The following WIZ variants were observed in gnomAD, a reference collection of about 807,000 sequenced individuals.
The protein encoded by WIZ is protein Wiz.
A neutral mutation model predicts 140.2 loss-of-function variants in WIZ; 25 were observed. The ratio of observed to expected loss-of-function variants is 0.18; its 90% CI spans 0.13 to 0.25. The LOEUF (loss-of-function observed/expected upper bound fraction) is 0.25. Ranked by LOEUF, WIZ falls within the 10% of genes least tolerant of loss-of-function variation. The pLI, the probability that WIZ is intolerant of heterozygous loss-of-function variation, is 1.00. For missense variants in WIZ, 2,231 were observed against 2,632.6 expected, an observed-to-expected ratio of 0.85 and a Z score of 3.34; for synonymous variants, 1,125 against 1,154.3, an observed-to-expected ratio of 0.97 and a Z score of 0.51.
Position 15,438,591 on chromosome 19 carries a change from C to A in WIZ, c.2403G>T (p.Lys801Asn). Residue 801 changes from lysine (K) to asparagine (N), a missense_variant, in exon 4 of 13, where the codon AAG (lysine) becomes AAT (asparagine). Transcript: ENST00000673675. The part of the protein sequence containing the change: ...KAIERRFSFQ[K>N]KKKKVANFDP... ...AAGCTGCCCTACCTTTTTTCTTCTT[C>A]TTCTGGAAGGAGAACCTGCGCTCAA... is the stretch of plus-strand genomic sequence containing the variant. 2.0e-6 allele frequency: 3 copies of A among 1,501,184 alleles called. No homozygotes were observed. The highest frequency in any genetic ancestry group is 2.7e-6 in the Non-Finnish European group (3 of 1,123,886). The allele number at this position is 1,501,184 out of a possible 1,614,324, so 93.0% of individuals were successfully genotyped here.
At chr19:15,429,533 T>A in intron 7 of WIZ, 53 bp downstream of exon 7, 1 of 1,150,836 alleles carries the variant, frequency 8.7e-7, no homozygotes, top group Admixed American at 4.3e-5. Context: ...CAACCTGAGG[T>A]CCCGACCCTC....
chr19:15,449,086 G>A (rs1261835910), intron 1 of WIZ, among the ~76,000 whole-genome samples: 1 of 152,004 alleles, frequency 6.6e-6, no homozygotes, highest in Non-Finnish European at 1.5e-5. Context: ...TCTAGTCCTC[G>A]GGCGAAAGAA....
intron 1 of WIZ, 32 bp from the exon 2 acceptor site, chr19:15,448,399 A>G: frequency 6.7e-7 from 1 of 1,488,594 alleles, no homozygotes; most frequent in South Asian, 1.2e-5. Context: ...TGCTTAGGGG[A>G]TGGAGGAAAG....
At chr19:15,425,097 T>C in intron 10 of WIZ, 65 bp from the exon 11 acceptor site, 2 of 1,505,928 alleles carry the variant, frequency 1.3e-6, no homozygotes, top group East Asian at 2.4e-5. Flanking sequence ...CAGATGGCCC[T>C]GCCCAGGCCA....
At position 15,421,026 on chromosome 19, in the gene WIZ, G is replaced by C. The variant is rs1469666007; in HGVS notation, c.*2050C>G. ...AGCTACCTGGATGGCTGAGGCAGGA[G>C]AATCACTTGAACCCAGGAGGCAGAG... On this transcript the variant is annotated 3_prime_UTR_variant, in exon 13 of 13. Coordinates refer to ENST00000673675, the MANE Select transcript of WIZ (RefSeq NM_001371589.1). 6.6e-6 allele frequency: 1 copy of C among 151,982 alleles called. No individual in the cohort carries two copies. Among genetic ancestry groups the C allele is most frequent in the East Asian group, 1.9e-4 (1 of 5,176 alleles). The allele number at this position is 151,982 out of a possible 1,614,324, so 9.4% of individuals were successfully genotyped here. A position where few individuals can be genotyped will look rare whatever the true frequency, so the allele number is the denominator to read the frequency against.
At chr19:15,441,676 T>C (rs1969751623) in intron 3 of WIZ, among the ~76,000 whole-genome samples, 1 of 152,164 alleles carries the variant, frequency 6.6e-6, no homozygotes, top group Non-Finnish European at 1.5e-5. Context: ...ATGGAACAGA[T>C]GTGGAAATGT....
In WIZ at chr19:15,427,690, G is replaced by T. The variant is rs1463051667; in HGVS notation, c.3815-157C>A. ...GGTAAGGGAGTGGAGGAGCGGGGCTGGGGGCCAGATACCCGGCAGGAGTGA... is the reference window on the plus strand; with the variant it reads ...GGTAAGGGAGTGGAGGAGCGGGGCTTGGGGCCAGATACCCGGCAGGAGTGA... On this transcript the variant is annotated intron_variant, in intron 8 of 12. Coordinates refer to ENST00000673675, the MANE Select transcript of WIZ (RefSeq NM_001371589.1). The surrounding 1 kb of genome is among the most constrained non-coding windows in gnomAD (Gnocchi z 6.4). Among the ~76,000 whole-genome samples the T allele has an allele frequency of 6.6e-6, 1 of 152,146 alleles. No homozygotes were observed. Among genetic ancestry groups the T allele is most frequent in the Non-Finnish European group, 1.5e-5 (1 of 68,024 alleles).
chr19:15,444,070 C>T (rs1429128017), intron 2 of WIZ, among the ~76,000 whole-genome samples: 1 of 152,228 alleles, frequency 6.6e-6, no homozygotes, highest in Non-Finnish European at 1.5e-5. Context: ...AAGGTTAACA[C>T]ACTGGGGGAA....
intron 2 of WIZ, among the ~76,000 whole-genome samples, chr19:15,446,731 G>A (rs940244907): frequency 1.3e-5 from 2 of 152,186 alleles, no homozygotes; most frequent in African/African-American, 2.4e-5. Context: ...AGCCCCAGCC[G>A]CTGTGTCATA....
Position 15,440,512 on chromosome 19 carries a change from G to C in WIZ, c.482C>G (p.Ser161Cys). 6.5e-7 allele frequency: 1 copy of C among 1,536,062 alleles called. No homozygotes were observed. The highest frequency in any genetic ancestry group is 8.7e-7 in the Non-Finnish European group (1 of 1,146,882). The change falls in exon 4 of 13, where the codon TCT becomes TGT. Residue 161 changes from serine (S) to cysteine (C), a missense_variant. Physicochemically the swap from Ser to Cys is moderately radical, Grantham distance 112. Transcript: ENST00000673675. This position sits in a 1 kb window ranked among gnomAD's most constrained non-coding sequence, Gnocchi z 6.2. ...TMKPHAELEGSRRFLHHRGEP... is the reference protein window; with the variant it reads ...TMKPHAELEGCRRFLHHRGEP... ...CCCCCGGTGGTGTAAGAACCTTCTA[G>C]AGCCCTCTAGCTCAGCGTGGGGTTT...
intron 1 of WIZ, 131 bp downstream of exon 1, chr19:15,449,667 C>A (rs1970051905): frequency 6.8e-6 from 1 of 147,058 alleles, no homozygotes; most frequent in Non-Finnish European, 1.5e-5. Flanking sequence ...CCGGCCAGGC[C>A]CCGCCCCTGA....
At position 15,427,597 on chromosome 19, in the gene WIZ, G is replaced by A; in HGVS notation, c.3815-64C>T. ...ACTGCCAGCATGGTCACCTGCAGGAGTGTCCTGGTCGGCTGGGCGTGGGCG... is the reference window on the plus strand; with the variant it reads ...ACTGCCAGCATGGTCACCTGCAGGAATGTCCTGGTCGGCTGGGCGTGGGCG... On this transcript the variant is annotated intron_variant, in intron 8 of 12. Transcript: ENST00000673675. This position sits in a 1 kb window ranked among gnomAD's most constrained non-coding sequence, Gnocchi z 6.4. 12 of 1,535,020 alleles carry A rather than the reference G, an allele frequency of 7.8e-6. 1 individual carries two copies. In the South Asian group the frequency reaches 1.4e-4, roughly 18 times the overall value.
In WIZ at chr19:15,440,347, C is replaced by T; in HGVS notation, c.647G>A (p.Arg216Lys). 1 of 1,529,074 alleles carries T rather than the reference C, an allele frequency of 6.5e-7. No individual in the cohort carries two copies. The highest frequency in any genetic ancestry group is 1.7e-4 in the Middle Eastern group (1 of 5,960). 94.7% of individuals were successfully genotyped at this position (1,529,074 alleles called of 1,614,324 possible). ...GTCTTCCACTGGCACAAACACCCTC[C>T]TGAAGGGGGCGAGGGGTGGCGGCTG... ...PAQPPPLAPF[R>K]RVFVPVEDTP... Residue 216 changes from arginine to lysine, a missense_variant, in exon 4 of 13, where the codon AGG becomes AAG. Around this residue, in one of 15 missense-constraint regions of WIZ, gnomAD observed 307 missense variants for 294.1 expected, o/e 1.04. Transcript: ENST00000673675. The surrounding 1 kb of genome is among the most constrained non-coding windows in gnomAD (Gnocchi z 6.2).
At chr19:15,429,494 A>AC in intron 7 of WIZ, 92 bp downstream of exon 7, 2 of 411,338 alleles carry the variant, frequency 4.9e-6, no homozygotes, top group African/African-American at 2.2e-5. Context: ...GCCCCCACCC[A>AC]CCCTGGGCCC....
rs115003151 is a variant in WIZ, at chr19:15,441,847, A to G, written c.278+829T>C. Among the ~76,000 whole-genome samples the G allele has an allele frequency of 3.5e-4, 53 of 152,266 alleles. 1 individual carries two copies. The highest frequency in any genetic ancestry group is 1.3e-3 in the African/African-American group (52 of 41,536). On this transcript the variant is annotated intron_variant, in intron 3 of 12. Coordinates refer to ENST00000673675, the MANE Select transcript of WIZ (RefSeq NM_001371589.1). Reference sequence around the variant, plus strand: ...CATAGCAGCTATTATTAATTAATTAATAATATTCTTGCTCATTCTGAGAGC... The same window carrying G: ...CATAGCAGCTATTATTAATTAATTAGTAATATTCTTGCTCATTCTGAGAGC...
rs1481198661 is a variant in WIZ at position 15,420,206 on chromosome 19, T to C, written c.*2870A>G. On this transcript the variant is annotated 3_prime_UTR_variant, in exon 13 of 13. Coordinates refer to ENST00000673675, the MANE Select transcript of WIZ (RefSeq NM_001371589.1). Reference sequence around the variant, plus strand: ...ACAGCTGAAGACATTGGTCATGGGTTGGTGATGGATAGATGAGAGTCCATT... The same window carrying C: ...ACAGCTGAAGACATTGGTCATGGGTCGGTGATGGATAGATGAGAGTCCATT... 2.6e-5 allele frequency: 4 copies of C among 152,196 alleles called. No homozygotes were observed. Among genetic ancestry groups the C allele is most frequent in the Non-Finnish European group, 5.9e-5 (4 of 68,040 alleles). 9.4% of individuals were successfully genotyped at this position (152,196 alleles called of 1,614,324 possible). A position where few individuals can be genotyped will look rare whatever the true frequency, so the allele number is the denominator to read the frequency against.
chr19:15,423,029 A>T lies in WIZ; in HGVS notation c.*47T>A. 1 of 1,593,794 alleles carries T rather than the reference A, an allele frequency of 6.3e-7. No homozygotes were observed. Among genetic ancestry groups the T allele is most frequent in the Non-Finnish European group, 8.5e-7 (1 of 1,169,740 alleles). Reference sequence around the variant, plus strand: ...AGGGACAAGGACACAGAGGAGGAAGAAGAGGAGACAGAGGTGGCACGAGAG... The same window carrying T: ...AGGGACAAGGACACAGAGGAGGAAGTAGAGGAGACAGAGGTGGCACGAGAG... On this transcript the variant is annotated 3_prime_UTR_variant, in exon 13 of 13. Transcript: ENST00000673675.
At chr19:15,425,105 C>T in intron 10 of WIZ, 73 bp from the exon 11 acceptor site, 1 of 1,507,510 alleles carries the variant, frequency 6.6e-7, no homozygotes, top group South Asian at 1.3e-5. Flanking sequence ...CCTGCCCAGG[C>T]CAGGTGCCAA....
rs578176489 is a variant in WIZ at position 15,438,063 on chromosome 19, G to A, written c.2416+515C>T. On this transcript the variant is annotated intron_variant, in intron 4 of 12. Transcript: ENST00000673675. ...ACTGGCACCTCCCCAAGTGGGCTTTGTGTCTGCCAATGTCAGAACCACCCA... is the reference window on the plus strand; with the variant it reads ...ACTGGCACCTCCCCAAGTGGGCTTTATGTCTGCCAATGTCAGAACCACCCA... Among the ~76,000 whole-genome samples, 16 of 152,202 alleles carry A rather than the reference G, an allele frequency of 1.1e-4. No individual in the cohort carries two copies. In the South Asian group the frequency reaches 1.5e-3, roughly 14 times the overall value.
Sources: gnomAD v4.1 joint callset for allele counts (sites outside exome capture counted in the v4.1 genomes callset) on GRCh38, gnomAD v4.1.1 for gene constraint, gnomAD v4.1.1 regional missense constraint, Gnocchi (gnomAD v3.1) non-coding constraint, MANE v1.5 for transcripts, NCBI Gene and HGNC (gene_info 2026-07-23, HGNC 2026-07-21) for gene names.